PARD3B: variants seen among roughly 807,000 people sequenced by gnomAD.
PARD3B encodes partitioning defective 3 homolog B.
PARD3B carries 103 observed loss-of-function variants against 130.2 expected under a neutral mutation model. The observed-to-expected ratio is 0.79, with a 90% CI of 0.67 to 0.93. The LOEUF (loss-of-function observed/expected upper bound fraction) is 0.93. Ranked by LOEUF, PARD3B falls within the 40% of genes least tolerant of loss-of-function variation. The pLI, the probability that PARD3B is intolerant of heterozygous loss-of-function variation, is 0.00. For synonymous variants in PARD3B, 583 were observed against 553.2 expected, an observed-to-expected ratio of 1.05 and a Z score of -0.76; for missense variants, 1,609 against 1,499.2, an observed-to-expected ratio of 1.07 and a Z score of -1.21.
In PARD3B at chr2:204,933,328, G is replaced by C. The variant is rs534512010; in HGVS notation, c.223-31824G>C. On this transcript the variant is annotated intron_variant, in intron 2 of 22. Transcript: ENST00000406610. ...TCAGAGCCACAATTAATTTACATTT[G>C]ATTTTAATTGATGACACTCTGATAG... Among the ~76,000 whole-genome samples the C allele has an allele frequency of 3.6e-3, 541 of 152,226 alleles. 1 individual carries two copies. The highest frequency in any genetic ancestry group is 0.031 in the Middle Eastern group (9 of 294).
At chr2:205,302,693 G>C (rs77902155) in intron 18 of PARD3B, among the ~76,000 whole-genome samples, 1 of 152,182 alleles carries the variant, frequency 6.6e-6, no homozygotes, top group African/African-American at 2.4e-5. Flanking sequence ...TAGGTGTGCA[G>C]TGGCCGGGCC....
intron 3 of PARD3B, among the ~76,000 whole-genome samples, chr2:205,016,100 T>C (rs1273746652): frequency 2.6e-5 from 4 of 152,190 alleles, no homozygotes; most frequent in African/African-American, 9.6e-5. Context: ...GACAATAATC[T>C]CTTCTTTCGT....
intron 1 of PARD3B, among the ~76,000 whole-genome samples, chr2:204,618,216 G>A (rs1242155034): frequency 6.6e-6 from 1 of 152,074 alleles, no homozygotes; most frequent in Non-Finnish European, 1.5e-5. Flanking sequence ...TTTCACCCGG[G>A]ATCACAAACT....
rs1020546659 is a variant in PARD3B at position 205,456,331 on chromosome 2, C to T, written c.3044+15659C>T. Among the ~76,000 whole-genome samples, 5 of 152,186 alleles carry T rather than the reference C, an allele frequency of 3.3e-5. No individual in the cohort carries two copies. In the South Asian group the frequency reaches 6.2e-4, roughly 19 times the overall value. On this transcript the variant is annotated intron_variant, in intron 20 of 22. Coordinates refer to ENST00000406610, the MANE Select transcript of PARD3B (RefSeq NM_001302769.2). Reference sequence around the variant, plus strand: ...CAGAGTTGCTATAAACAGTCACCTACATGCTTTTGTGTGAACATATGTTGT... The same window carrying T: ...CAGAGTTGCTATAAACAGTCACCTATATGCTTTTGTGTGAACATATGTTGT...
Position 204,675,672 on chromosome 2 carries a change from G to A in PARD3B, c.121-10509G>A, listed in dbSNP as rs1023807373. 2.0e-5 allele frequency among the ~76,000 whole-genome samples: 3 copies of A among 151,960 alleles called. No homozygotes were observed. The highest frequency in any genetic ancestry group is 2.1e-4 in the South Asian group (1 of 4,818). On this transcript the variant is annotated intron_variant, in intron 1 of 22. Coordinates refer to ENST00000406610, the MANE Select transcript of PARD3B (RefSeq NM_001302769.2). This position sits in a 1 kb window ranked among gnomAD's most constrained non-coding sequence, Gnocchi z 4.4. The stretch of plus-strand genomic sequence containing the variant: ...TAAAGCCCTTTATATAAAGAAAACC[G>A]CTGAGATTATAGTTACTTCACAAAG...
chr2:204,706,044 T>G (rs2038130435), intron 2 of PARD3B, among the ~76,000 whole-genome samples: 1 of 151,988 alleles, frequency 6.6e-6, no homozygotes, highest in Admixed American at 6.6e-5. Context: ...TAAAGTATGG[T>G]TTAGAAGAAA....
intron 15 of PARD3B, among the ~76,000 whole-genome samples, chr2:205,217,503 C>A (rs1165263512): frequency 2.0e-5 from 3 of 152,050 alleles, no homozygotes; most frequent in South Asian, 4.2e-4. Flanking sequence ...TTGAGAGAAT[C>A]ATAGTACCAT....
At chr2:205,578,947 G>A (rs1277031553) in intron 22 of PARD3B, among the ~76,000 whole-genome samples, 1 of 152,132 alleles carries the variant, frequency 6.6e-6, no homozygotes, top group Non-Finnish European at 1.5e-5. Flanking sequence ...CTAGATAGTA[G>A]GTATTTGGTA....
chr2:204,818,331 AAGT>A (rs2043216404), intron 2 of PARD3B, among the ~76,000 whole-genome samples: 1 of 152,202 alleles, frequency 6.6e-6, no homozygotes, highest in African/African-American at 2.4e-5. Context: ...GAACAAATGA[AAGT>A]AGATATTAAT....
At chr2:205,363,236 A>T (rs2044464337) in intron 18 of PARD3B, among the ~76,000 whole-genome samples, 1 of 152,182 alleles carries the variant, frequency 6.6e-6, no homozygotes, top group Non-Finnish European at 1.5e-5. Context: ...CAGAAGTCAG[A>T]GTATCACAAA....
At chr2:205,033,686 A>G (rs1027794813) in intron 3 of PARD3B, among the ~76,000 whole-genome samples, 1 of 152,282 alleles carries the variant, frequency 6.6e-6, no homozygotes, top group Non-Finnish European at 1.5e-5. Flanking sequence ...TCTGCATCTC[A>G]AAATTCTTTT....
chr2:205,447,313 C>T (rs2047939258), intron 20 of PARD3B, among the ~76,000 whole-genome samples: 1 of 152,200 alleles, frequency 6.6e-6, no homozygotes, highest in African/African-American at 2.4e-5. Context: ...CCTGTCTCCT[C>T]AGTTCCTGGG....
intron 2 of PARD3B, among the ~76,000 whole-genome samples, chr2:204,858,519 A>AAATGAAAT (rs1055051678): frequency 2.0e-5 from 3 of 151,362 alleles, no homozygotes; most frequent in African/African-American, 7.3e-5. Flanking sequence ...AAAAAAAGGA[A>AAATGAAAT]AATGAAATAT....
intron 3 of PARD3B, among the ~76,000 whole-genome samples, chr2:205,007,429 C>T (rs545913263): frequency 3.9e-5 from 6 of 152,260 alleles, no homozygotes; most frequent in Non-Finnish European, 5.9e-5. Flanking sequence ...TTCCCAGTAC[C>T]ATTTATTGAA....
At chr2:205,378,435 T>A (rs888856485) in intron 18 of PARD3B, among the ~76,000 whole-genome samples, 1 of 152,082 alleles carries the variant, frequency 6.6e-6, no homozygotes, top group Admixed American at 6.6e-5. Context: ...AAGTTTCAAG[T>A]AAGTGTCATT....
intron 8 of PARD3B, among the ~76,000 whole-genome samples, chr2:205,123,731 G>C (rs1412832053): frequency 6.6e-6 from 1 of 151,724 alleles, no homozygotes; most frequent in Non-Finnish European, 1.5e-5. Context: ...TAGGTCACTG[G>C]TGATGGAAGC....
In PARD3B at chr2:204,897,416, G is replaced by A. The variant is rs1353147689; in HGVS notation, c.223-67736G>A. Among the ~76,000 whole-genome samples the A allele has an allele frequency of 6.8e-5, 9 of 131,826 alleles. No homozygotes were observed. The East Asian group carries it at 1.6e-3, about 23-fold the overall frequency. 86.5% of individuals were successfully genotyped at this position (131,826 alleles called of 152,430 possible). Reference sequence around the variant, plus strand: ...TTTTTTTTTTTTGAGAATTTAAGGGGATTGGAAAGGTTTACTGAAAGGAGA... The same window carrying A: ...TTTTTTTTTTTTGAGAATTTAAGGGAATTGGAAAGGTTTACTGAAAGGAGA... On this transcript the variant is annotated intron_variant, in intron 2 of 22. Coordinates refer to ENST00000406610, the MANE Select transcript of PARD3B (RefSeq NM_001302769.2).
intron 2 of PARD3B, among the ~76,000 whole-genome samples, chr2:204,915,561 C>T (rs1269151616): frequency 6.6e-6 from 1 of 152,042 alleles, no homozygotes; most frequent in African/African-American, 2.4e-5. Flanking sequence ...CAAAATACCT[C>T]TAAAATTTAG....
At chr2:205,144,209 C>T (rs2033181874) in intron 10 of PARD3B, among the ~76,000 whole-genome samples, 1 of 152,166 alleles carries the variant, frequency 6.6e-6, no homozygotes, top group South Asian at 2.1e-4. Flanking sequence ...AAATATACTT[C>T]AGGCATGTGG....
Sources: gnomAD v4.1 joint callset for allele counts (sites outside exome capture counted in the v4.1 genomes callset) on GRCh38, gnomAD v4.1.1 for gene constraint, Gnocchi (gnomAD v3.1) non-coding constraint, MANE v1.5 for transcripts, NCBI Gene and HGNC (gene_info 2026-07-23, HGNC 2026-07-21) for gene names.